VPS26B: variants seen among roughly 807,000 people sequenced by gnomAD.
VPS26B encodes the protein vacuolar protein sorting-associated protein 26B.
Under a neutral mutation model 33.3 loss-of-function variants are expected in VPS26B, and 10 were observed. The observed-to-expected ratio is 0.30, with a 90% CI of 0.19 to 0.51. The LOEUF (loss-of-function observed/expected upper bound fraction) is 0.51, where lower values mean the gene tolerates loss of function less well. Among genes scored for constraint, VPS26B ranks in the 20% least tolerant of loss-of-function variants. The pLI is 0.98. For synonymous variants in VPS26B, 190 were observed against 176.9 expected (o/e 1.07, Z -0.59); for missense variants, 317 against 452.7 (o/e 0.70, Z 2.72).
chr11:134,241,308 G>T (rs1444206059), intron 3 of VPS26B, among the ~76,000 whole-genome samples: 1 of 152,178 alleles, frequency 6.6e-6, no homozygotes, highest in Admixed American at 6.5e-5. Flanking sequence ...GTCAGGAACA[G>T]AACTTTTTAA....
At chr11:134,238,429 G>A (rs1938667747) in intron 2 of VPS26B, among the ~76,000 whole-genome samples, 2 of 152,150 alleles carry the variant, frequency 1.3e-5, no homozygotes, top group African/African-American at 4.8e-5. Context: ...AGACTTGGGA[G>A]GCTGAGCAGT....
chr11:134,244,652 T>C lies in VPS26B; in HGVS notation c.722-286T>C. 2 of 312,418 alleles carry C rather than the reference T, an allele frequency of 6.4e-6. No individual in the cohort carries two copies. The highest frequency in any genetic ancestry group is 1.2e-5 in the Non-Finnish European group (2 of 170,344). The allele number at this position is 312,418 out of a possible 1,614,324, so 19.4% of individuals were successfully genotyped here. On this transcript the variant is annotated intron_variant, in intron 4 of 5. Coordinates refer to ENST00000281187, the MANE Select transcript of VPS26B (RefSeq NM_052875.5). The surrounding 1 kb of genome is among the most constrained non-coding windows in gnomAD (Gnocchi z 4.0). ...AAACCCCAAAACTAAACACACTGCA[T>C]GTAATCAAAAGATGCTTATACTAAT... is the stretch of plus-strand genomic sequence containing the variant.
At position 134,245,670 on chromosome 11, in the gene VPS26B, C is replaced by T; in HGVS notation, c.*80C>T. ...ACCAGCGGCTGGGGGCGGGGGCGGA[C>T]CTTGTGAGGCTCAGTTGACCCGTTA... On this transcript the variant is annotated 3_prime_UTR_variant, in exon 6 of 6. Transcript: ENST00000281187. This position sits in a 1 kb window ranked among gnomAD's most constrained non-coding sequence, Gnocchi z 4.7. 1 of 1,471,092 alleles carries T rather than the reference C, an allele frequency of 6.8e-7. No homozygotes were observed. Among genetic ancestry groups the T allele is most frequent in the Non-Finnish European group, 9.1e-7 (1 of 1,103,256 alleles). 91.1% of individuals were successfully genotyped at this position (1,471,092 alleles called of 1,614,324 possible). A position where few individuals can be genotyped will look rare whatever the true frequency, so the allele number is the denominator to read the frequency against.
At chr11:134,225,622 TTC>T (rs996626025) in intron 1 of VPS26B, among the ~76,000 whole-genome samples, 2 of 152,168 alleles carry the variant, frequency 1.3e-5, no homozygotes, top group Non-Finnish European at 2.9e-5. Context: ...TGCCTATGGG[TTC>T]TCCCCATTGT....
At chr11:134,238,563 C>T (rs1938669751) in intron 2 of VPS26B, among the ~76,000 whole-genome samples, 1 of 152,108 alleles carries the variant, frequency 6.6e-6, no homozygotes, top group Admixed American at 6.6e-5. Context: ...GTTGGTATGG[C>T]TAGCATATCT....
intron 3 of VPS26B, among the ~76,000 whole-genome samples, chr11:134,242,641 C>G (rs1455380995): frequency 6.6e-6 from 1 of 152,254 alleles, no homozygotes; most frequent in Non-Finnish European, 1.5e-5. Context: ...ATTTGCTCTT[C>G]TCACTCTACT....
rs1364775676 is a variant in VPS26B at position 134,225,202 on chromosome 11, A to G, written c.80A>G (p.His27Arg). 1.2e-6 allele frequency: 2 copies of G among 1,614,146 alleles called. No individual in the cohort carries two copies. The highest frequency in any genetic ancestry group is 1.7e-6 in the Non-Finnish European group (2 of 1,179,976). Residue 27 changes from histidine (H) to arginine (R), a missense_variant, in exon 1 of 6, where the codon CAC becomes CGC. By Grantham distance (29) the His-to-Arg change is conservative. Coordinates refer to ENST00000281187, the MANE Select transcript of VPS26B (RefSeq NM_052875.5). ...GCAGAGAGTAGGAAGCGGGCCGAGC[A>G]CAAGACGGAGGACGGGAAGAAGGAG... The part of the protein sequence containing the change: ...NDAESRKRAE[H>R]KTEDGKKEKY...
chr11:134,238,473 T>C (rs553397451), intron 2 of VPS26B, among the ~76,000 whole-genome samples: 6 of 152,280 alleles, frequency 3.9e-5, no homozygotes, highest in African/African-American at 1.4e-4. Flanking sequence ...TCTTGGGCAG[T>C]GTGATGGTTA....
chr11:134,232,864 C>G (rs989493378), intron 1 of VPS26B, among the ~76,000 whole-genome samples: 44 of 152,148 alleles, frequency 2.9e-4, no homozygotes, highest in African/African-American at 1.1e-3. Flanking sequence ...CACACGAAAG[C>G]CAACACCATC....
At chr11:134,230,335 C>G (rs1246622378) in intron 1 of VPS26B, among the ~76,000 whole-genome samples, 1 of 152,212 alleles carries the variant, frequency 6.6e-6, no homozygotes, top group African/African-American at 2.4e-5. Flanking sequence ...AGAAACTATT[C>G]TTTGTTGTTG....
Position 134,245,020 on chromosome 11 carries a change from G to A in VPS26B, c.804G>A (p.Val268=). ...GGGACATCAACAAGAAGTTCTCTGT[G>A]CGCTATTACCTCAACCTGGTGCTGA... ...TMRDINKKFS[V]RYYLNLVLID... Residue 268 remains valine, a synonymous_variant, in exon 5 of 6, where the codon GTG becomes GTA. Coordinates refer to ENST00000281187, the MANE Select transcript of VPS26B (RefSeq NM_052875.5). The surrounding 1 kb of genome is among the most constrained non-coding windows in gnomAD (Gnocchi z 4.7). 1 of 1,614,174 alleles carries A rather than the reference G, an allele frequency of 6.2e-7. No homozygotes were observed.
In VPS26B at chr11:134,245,385, GA is replaced by G; in HGVS notation, c.865-56del. ...CCACGTCAAAGTTGGGAGCCTCTAG[GA>G]AACCTGTCCCCATGCCTCCCTCTAA... is the stretch of plus-strand genomic sequence containing the variant. On this transcript the variant is annotated intron_variant, in intron 5 of 5. Transcript: ENST00000281187. The surrounding 1 kb of genome is among the most constrained non-coding windows in gnomAD (Gnocchi z 4.7). The G allele has an allele frequency of 6.2e-7, 1 of 1,601,694 alleles. No homozygotes were observed. The highest frequency in any genetic ancestry group is 2.2e-5 in the East Asian group (1 of 44,490).
chr11:134,230,886 G>T (rs1938546402), intron 1 of VPS26B, among the ~76,000 whole-genome samples: 1 of 152,176 alleles, frequency 6.6e-6, no homozygotes, highest in South Asian at 2.1e-4. Flanking sequence ...CAGTGGCTTG[G>T]TCTGTGTTCT....
chr11:134,225,493 G>T, intron 1 of VPS26B, 148 bp downstream of exon 1: 1 of 779,584 alleles, frequency 1.3e-6, no homozygotes, highest in East Asian at 2.7e-5. Flanking sequence ...AGTCCCGCCC[G>T]TGGGCGACTC....
intron 1 of VPS26B, among the ~76,000 whole-genome samples, chr11:134,233,657 G>A (rs1294768583): frequency 3.3e-5 from 5 of 152,014 alleles, no homozygotes; most frequent in Non-Finnish European, 4.4e-5. Flanking sequence ...CCCAGGAGGC[G>A]GAGGTTGCAG....
chr11:134,232,912 C>T (rs1430949209), intron 1 of VPS26B, among the ~76,000 whole-genome samples: 1 of 152,182 alleles, frequency 6.6e-6, no homozygotes, highest in African/African-American at 2.4e-5. Context: ...CCGAGGAGTC[C>T]CTGTCCCCGG....
rs1481336493 is a variant in VPS26B at position 134,240,232 on chromosome 11, A to C, written c.545+77A>C. 6.6e-7 allele frequency: 1 copy of C among 1,520,948 alleles called. No homozygotes were observed. The highest frequency in any genetic ancestry group is 9.0e-7 in the Non-Finnish European group (1 of 1,107,358). The allele number at this position is 1,520,948 out of a possible 1,614,324, so 94.2% of individuals were successfully genotyped here. Reference sequence around the variant, plus strand: ...TGGGACTTGATGCAGATGCAAACTGATGACCCTCTGTGACTCGACTGCTTT... The same window carrying C: ...TGGGACTTGATGCAGATGCAAACTGCTGACCCTCTGTGACTCGACTGCTTT... On this transcript the variant is annotated intron_variant, in intron 3 of 5. Transcript: ENST00000281187. The surrounding 1 kb of genome is among the most constrained non-coding windows in gnomAD (Gnocchi z 4.4).
At chr11:134,228,773 G>C (rs746953902) in intron 1 of VPS26B, among the ~76,000 whole-genome samples, 7 of 152,234 alleles carry the variant, frequency 4.6e-5, no homozygotes, top group Non-Finnish European at 8.8e-5. Flanking sequence ...AGCGAGGCTA[G>C]TGAGTGAGTT....
intron 2 of VPS26B, among the ~76,000 whole-genome samples, chr11:134,237,820 G>C (rs2136050429): frequency 6.6e-6 from 1 of 152,336 alleles, no homozygotes; most frequent in African/African-American, 2.4e-5. Context: ...ACAGAAGCAA[G>C]GGGTTGGGAG....
Sources: gnomAD v4.1 joint callset for allele counts (sites outside exome capture counted in the v4.1 genomes callset) on GRCh38, gnomAD v4.1.1 for gene constraint, Gnocchi (gnomAD v3.1) non-coding constraint, MANE v1.5 for transcripts, NCBI Gene and HGNC (gene_info 2026-07-23, HGNC 2026-07-21) for gene names.